Variants in ZNF804A observed in about 807,000 individuals in gnomAD.
ZNF804A encodes zinc finger protein 804A.
In ZNF804A, 2 loss-of-function variants were observed where a neutral mutation model predicts 16.5. That is an observed-to-expected ratio of 0.12 (90% CI 0.05 to 0.38). The LOEUF is 0.38. Ranked by LOEUF, ZNF804A falls within the 10% of genes least tolerant of loss-of-function variation. The pLI is 0.99. For missense variants in ZNF804A, 1,473 were observed against 1,390.7 expected, an observed-to-expected ratio of 1.06 and a Z score of -0.94; for synonymous variants, 534 against 489.6, an observed-to-expected ratio of 1.09 and a Z score of -1.20.
intron 1 of ZNF804A, among the ~76,000 whole-genome samples, chr2:184,635,613 A>G (rs986329873): frequency 6.6e-6 from 1 of 152,152 alleles, no homozygotes; most frequent in Non-Finnish European, 1.5e-5. Context: ...TAACTTAATG[A>G]TTCAGTATCA....
At chr2:184,645,505 T>C (rs886949309) in intron 1 of ZNF804A, among the ~76,000 whole-genome samples, 5 of 152,198 alleles carry the variant, frequency 3.3e-5, no homozygotes, top group Admixed American at 3.3e-4. Flanking sequence ...ATTTATTAGA[T>C]ATAGCTGTTT....
chr2:184,785,186 C>T (rs537557805), intron 1 of ZNF804A, among the ~76,000 whole-genome samples: 28 of 152,056 alleles, frequency 1.8e-4, no homozygotes, highest in Admixed American at 4.6e-4. Context: ...TCCTTATCCC[C>T]CTGCTCACCT....
At chr2:184,698,645 T>C (rs1369859130) in intron 1 of ZNF804A, among the ~76,000 whole-genome samples, 1 of 151,994 alleles carries the variant, frequency 6.6e-6, no homozygotes, top group Non-Finnish European at 1.5e-5. Context: ...CAATAGAAAT[T>C]GCAGAGATAT....
chr2:184,671,900 T>A (rs753008660), intron 1 of ZNF804A, among the ~76,000 whole-genome samples: 14 of 152,234 alleles, frequency 9.2e-5, no homozygotes, highest in African/African-American at 2.9e-4. Context: ...TCTAAAATAA[T>A]GCATCATTCA....
rs374529034 is a variant in ZNF804A at position 184,937,719 on chromosome 2, C to T, written c.2323C>T (p.His775Tyr). The part of the protein sequence containing the change: ...SERFYRKRRQ[H>Y]SHSYSSDESL... ...AAGATTCTATCGAAAACGTAGACAACATTCACATTCTTATTCTTCAGATGA... is the reference window on the plus strand; with the variant it reads ...AAGATTCTATCGAAAACGTAGACAATATTCACATTCTTATTCTTCAGATGA... The change falls in exon 4 of 4, where the codon CAT becomes TAT. Residue 775 changes from histidine to tyrosine, a missense_variant. Physicochemically the swap from His to Tyr is moderately conservative, Grantham distance 83. Transcript: ENST00000302277. 69 of 1,614,014 alleles carry T rather than the reference C, an allele frequency of 4.3e-5. No homozygotes were observed. Among genetic ancestry groups the T allele is most frequent in the East Asian group, 4.2e-4 (19 of 44,852 alleles).
intron 1 of ZNF804A, among the ~76,000 whole-genome samples, chr2:184,731,124 G>A (rs1228204940): frequency 1.3e-5 from 2 of 151,222 alleles, no homozygotes; most frequent in Admixed American, 6.6e-5. Context: ...GGTGGCAGGC[G>A]CCTGTAATCC....
rs147049058 is a variant in ZNF804A, at chr2:184,938,751, G to T, written c.3355G>T (p.Ala1119Ser). Residue 1119 changes from alanine to serine, a missense_variant, in exon 4 of 4, where the codon GCA becomes TCA. Ala to Ser is a moderately conservative substitution (Grantham distance 99). Transcript: ENST00000302277. ...TGCAGCTGCAGCTGCAGCCGCAGCT[G>T]CAGGAACCTTTAAAGTGCTTCAGCC... is the stretch of plus-strand genomic sequence containing the variant. Reference protein sequence around the residue: ...AAAAAAAAAAAGTFKVLQPHQ... With the variant: ...AAAAAAAAAASGTFKVLQPHQ... 5 of 1,612,810 alleles carry T rather than the reference G, an allele frequency of 3.1e-6. No homozygotes were observed. Among genetic ancestry groups the T allele is most frequent in the Non-Finnish European group, 3.4e-6 (4 of 1,179,590 alleles).
chr2:184,708,538 G>A (rs1233561599), intron 1 of ZNF804A, among the ~76,000 whole-genome samples: 1 of 151,994 alleles, frequency 6.6e-6, no homozygotes, highest in Non-Finnish European at 1.5e-5. Flanking sequence ...ACAAAAATAA[G>A]CAATGAGGAA....
intron 1 of ZNF804A, among the ~76,000 whole-genome samples, chr2:184,609,411 T>C (rs957680185): frequency 6.6e-6 from 1 of 152,228 alleles, no homozygotes; most frequent in Admixed American, 6.5e-5. Context: ...TTACTGCTAG[T>C]GCACAGACTT....
chr2:184,807,770 G>C (rs930555292), intron 1 of ZNF804A, among the ~76,000 whole-genome samples: 4 of 151,612 alleles, frequency 2.6e-5, no homozygotes, highest in Middle Eastern at 3.4e-3. Context: ...TTATAATTAA[G>C]TTTCCAATAC....
At chr2:184,894,423 A>T (rs115672072) in intron 2 of ZNF804A, among the ~76,000 whole-genome samples, 10 of 152,164 alleles carry the variant, frequency 6.6e-5, no homozygotes, top group Non-Finnish European at 1.2e-4. Context: ...ATTTGTAGTC[A>T]TTTTTACTAT....
chr2:184,695,134 T>G (rs559095088), intron 1 of ZNF804A, among the ~76,000 whole-genome samples: 8 of 152,198 alleles, frequency 5.3e-5, no homozygotes, highest in African/African-American at 1.9e-4. Context: ...TCAAAATATG[T>G]AGAGAGATAG....
chr2:184,699,592 T>C (rs1692888071), intron 1 of ZNF804A, among the ~76,000 whole-genome samples: 1 of 152,138 alleles, frequency 6.6e-6, no homozygotes, highest in Admixed American at 6.6e-5. Flanking sequence ...CTGACTGGTA[T>C]GTCAGGGTAA....
intron 1 of ZNF804A, among the ~76,000 whole-genome samples, chr2:184,810,729 A>T (rs962601160): frequency 2.0e-5 from 3 of 151,924 alleles, no homozygotes; most frequent in Admixed American, 6.6e-5. Context: ...TGACCTCGTG[A>T]CCTGCCCACC....
intron 1 of ZNF804A, among the ~76,000 whole-genome samples, chr2:184,865,956 T>C (rs1405600276): frequency 6.6e-6 from 1 of 152,124 alleles, no homozygotes; most frequent in Non-Finnish European, 1.5e-5. Flanking sequence ...TGTGCACAAA[T>C]ATAGACCTTT....
intron 1 of ZNF804A, among the ~76,000 whole-genome samples, chr2:184,712,382 C>T (rs1007004022): frequency 2.0e-5 from 3 of 151,614 alleles, no homozygotes; most frequent in African/African-American, 4.8e-5. Flanking sequence ...CAAGGTATTG[C>T]TAAGAAACCC....
intron 1 of ZNF804A, among the ~76,000 whole-genome samples, chr2:184,606,621 G>T (rs1260195623): frequency 1.3e-5 from 2 of 152,144 alleles, no homozygotes; most frequent in Non-Finnish European, 2.9e-5. Context: ...TTAAGTAAAG[G>T]AGATTACTCT....
At chr2:184,676,912 A>G (rs1457765234) in intron 1 of ZNF804A, among the ~76,000 whole-genome samples, 4 of 151,836 alleles carry the variant, frequency 2.6e-5, no homozygotes, top group Non-Finnish European at 5.9e-5. Flanking sequence ...AAATAGGTTC[A>G]ACATAAATAA....
chr2:184,759,270 G>A (rs1461055572), intron 1 of ZNF804A, among the ~76,000 whole-genome samples: 2 of 151,376 alleles, frequency 1.3e-5, no homozygotes, highest in African/African-American at 2.4e-5. Context: ...AAAAAGTATA[G>A]CATGCTAAAT....
Sources: allele counts gnomAD v4.1 joint callset (sites outside exome capture counted in the v4.1 genomes callset), GRCh38; gene constraint gnomAD v4.1.1; transcripts MANE v1.5; gene names NCBI Gene and HGNC (gene_info 2026-07-23, HGNC 2026-07-21).